The following TNRC6C variants were observed in gnomAD, a reference collection of about 807,000 sequenced individuals.
TNRC6C encodes the protein trinucleotide repeat containing adaptor 6C.
Under a neutral mutation model 153.7 loss-of-function variants are expected in TNRC6C, and 20 were observed. That is an observed-to-expected ratio of 0.13 (90% CI 0.09 to 0.19). The LOEUF (loss-of-function observed/expected upper bound fraction) is 0.19, where lower values mean the gene tolerates loss of function less well. TNRC6C is among the 10% of genes least tolerant of loss of function. The pLI is 1.00. For synonymous variants in TNRC6C, 811 were observed against 841.4 expected (o/e 0.96, Z 0.63); for missense variants, 1,987 against 2,172.0 (o/e 0.91, Z 1.69).
At chr17:78,101,871 G>A (rs2073602115) in intron 17 of TNRC6C, among the ~76,000 whole-genome samples, 2 of 151,984 alleles carry the variant, frequency 1.3e-5, no homozygotes, top group African/African-American at 4.8e-5. Flanking sequence ...TTCCAGCATG[G>A]GCGTCATGGC....
At chr17:78,100,371 T>C (rs1343219178) in intron 17 of TNRC6C, among the ~76,000 whole-genome samples, 6 of 152,232 alleles carry the variant, frequency 3.9e-5, no homozygotes, top group Non-Finnish European at 7.3e-5. Flanking sequence ...GTATATCCTC[T>C]GAAATCTAGG....
intron 1 of TNRC6C, among the ~76,000 whole-genome samples, chr17:77,981,723 C>T (rs1296163551): frequency 2.0e-5 from 3 of 152,184 alleles, no homozygotes; most frequent in African/African-American, 7.2e-5. Flanking sequence ...TCTGGCCTGC[C>T]ACCTATTTTA....
chr17:78,102,875 T>C, intron 18 of TNRC6C: 1 of 302,460 alleles, frequency 3.3e-6, no homozygotes, highest in East Asian at 8.2e-5. Flanking sequence ...CAGTAGCTCA[T>C]GCCTGTAATC....
intron 1 of TNRC6C, among the ~76,000 whole-genome samples, chr17:78,018,371 G>A (rs757001058): frequency 1.4e-4 from 21 of 152,084 alleles, no homozygotes; most frequent in Admixed American, 4.6e-4. Context: ...CTCGTGATCC[G>A]CCCCGCCTCG....
intron 1 of TNRC6C, among the ~76,000 whole-genome samples, chr17:78,006,831 T>TATTTATTTA (rs200140495): frequency 1.5e-5 from 2 of 136,876 alleles, no homozygotes; most frequent in African/African-American, 3.2e-5. Context: ...TTTATTTATT[T>TATTTATTTA]TTTTTTTTTT....
At chr17:78,084,621 C>CTTTTTTT (rs888498648) in intron 11 of TNRC6C, among the ~76,000 whole-genome samples, 12 of 134,164 alleles carry the variant, frequency 8.9e-5, no homozygotes, top group South Asian at 4.8e-4. Context: ...TTTTCTTTTT[C>CTTTTTTT]TTTTTTTTTT....
chr17:77,976,649 C>A (rs2071001454), intron 1 of TNRC6C, among the ~76,000 whole-genome samples: 1 of 152,046 alleles, frequency 6.6e-6, no homozygotes, highest in African/African-American at 2.4e-5. Flanking sequence ...AAACTTGGGG[C>A]CGGATACGGT....
intron 2 of TNRC6C, among the ~76,000 whole-genome samples, chr17:78,033,135 T>C (rs1207867313): frequency 6.6e-6 from 1 of 152,174 alleles, no homozygotes; most frequent in African/African-American, 2.4e-5. Flanking sequence ...GAATAAGAAA[T>C]GTAACAGCCC....
In TNRC6C at chr17:78,058,140, C is replaced by T. The variant is rs1297828200; in HGVS notation, c.2396-6582C>T. Among the ~76,000 whole-genome samples the T allele has an allele frequency of 2.6e-5, 4 of 152,278 alleles. No homozygotes were observed. In the East Asian group the frequency reaches 5.8e-4, roughly 22 times the overall value. On this transcript the variant is annotated intron_variant, in intron 3 of 19. Coordinates refer to ENST00000301624, the Ensembl canonical transcript of TNRC6C. Reference sequence around the variant, plus strand: ...TGCCTCAATTACTCAGTCTCTGGTGCGAGCCAGAATTGCAGGACCTGCTAC... The same window carrying T: ...TGCCTCAATTACTCAGTCTCTGGTGTGAGCCAGAATTGCAGGACCTGCTAC...
intron 1 of TNRC6C, among the ~76,000 whole-genome samples, chr17:77,974,899 G>A (rs956412823): frequency 6.6e-6 from 1 of 152,192 alleles, no homozygotes; most frequent in Non-Finnish European, 1.5e-5. Flanking sequence ...CCCAGGTTTT[G>A]CAGAAAACTA....
At chr17:78,068,131 G>T (rs2072919861) in intron 5 of TNRC6C, among the ~76,000 whole-genome samples, 1 of 152,196 alleles carries the variant, frequency 6.6e-6, no homozygotes, top group African/African-American at 2.4e-5. Context: ...TTCATTTGAA[G>T]TCTCTCTCCG....
intron 13 of TNRC6C, 115 bp downstream of exon 15, chr17:78,087,208 A>G: frequency 1.4e-6 from 2 of 1,474,458 alleles, no homozygotes; most frequent in Non-Finnish European, 1.8e-6. Flanking sequence ...CGCTGAAACC[A>G]TAGCCTGTTG....
chr17:78,105,648 T>TGC (rs1491184750), exon 20 of TNRC6C: 4 of 152,010 alleles, frequency 2.6e-5, no homozygotes, highest in African/African-American at 9.7e-5. Flanking sequence ...TGTGTGTGTG[T>TGC]GCATGTGTGG....
intron 1 of TNRC6C, among the ~76,000 whole-genome samples, chr17:77,963,162 C>T (rs889716872): frequency 7.2e-5 from 11 of 152,136 alleles, no homozygotes; most frequent in Non-Finnish European, 4.4e-5. Flanking sequence ...TCAGCTTATA[C>T]ATAACTTTTT....
chr17:78,049,347 C>T lies in TNRC6C; in HGVS notation c.285C>T (p.Gly95=), dbSNP rs778899764. 13 of 1,613,890 alleles carry T rather than the reference C, an allele frequency of 8.1e-6. No individual in the cohort carries two copies. In the South Asian group the frequency reaches 1.4e-4, roughly 18 times the overall value. The change falls in exon 3 of 20, where the codon GGC becomes GGT. Residue 95 remains glycine (G), a synonymous_variant. Transcript: ENST00000301624. The surrounding 1 kb of genome is among the most constrained non-coding windows in gnomAD (Gnocchi z 4.1). ...GGGGTGCTTCCAACTCCAATGCTGG[C>T]ATTAATCTTAACCTTAATCCTAATG...
chr17:78,036,989 C>A (rs1463696750), intron 2 of TNRC6C, among the ~76,000 whole-genome samples: 2 of 151,772 alleles, frequency 1.3e-5, no homozygotes, highest in East Asian at 1.9e-4. Context: ...TTTCATTATT[C>A]TTTTTCTTTA....
chr17:78,051,276 C>T (rs372550078), exon 3 of TNRC6C: 2 of 1,552,948 alleles, frequency 1.3e-6, no homozygotes, highest in African/African-American at 2.7e-5. Flanking sequence ...GCAACTATAA[C>T]AATAAAACTG....
intron 1 of TNRC6C, among the ~76,000 whole-genome samples, chr17:77,978,062 A>T (rs1312377332): frequency 6.6e-6 from 1 of 151,218 alleles, no homozygotes; most frequent in African/African-American, 2.4e-5. Flanking sequence ...CGCCCAGCTA[A>T]TTTTTTTTGT....
chr17:77,969,434 G>C (rs1340515227), intron 1 of TNRC6C, among the ~76,000 whole-genome samples: 2 of 152,024 alleles, frequency 1.3e-5, no homozygotes, highest in Non-Finnish European at 2.9e-5. Context: ...ATTTTTAGTA[G>C]AGACGGGGTT....
Sources: allele counts gnomAD v4.1 joint callset (sites outside exome capture counted in the v4.1 genomes callset), GRCh38; gene constraint gnomAD v4.1.1; non-coding constraint Gnocchi (gnomAD v3.1); transcripts MANE v1.5; gene names NCBI Gene and HGNC (gene_info 2026-07-23, HGNC 2026-07-21).